The following SLC22A4 variants were observed in gnomAD, a reference collection of about 807,000 sequenced individuals.
The protein encoded by SLC22A4 is ET transporter.
A neutral mutation model predicts 56.6 loss-of-function variants in SLC22A4; 39 were observed. The observed-to-expected ratio is 0.69, with a 90% confidence interval of 0.53 to 0.90. The LOEUF (loss-of-function observed/expected upper bound fraction) is 0.90, where lower values mean the gene tolerates loss of function less well. Ranked by LOEUF, SLC22A4 falls within the 40% of genes least tolerant of loss-of-function variation. The probability of loss-of-function intolerance (pLI) is 0.00; values close to 1 mark genes in which losing one functional copy is unlikely to be tolerated. For synonymous variants in SLC22A4, 241 were observed against 281.4 expected (o/e 0.86, Z 1.44); for missense variants, 594 against 696.5 (o/e 0.85, Z 1.66).
chr5:132,295,421 C>T (rs1218526631), intron 1 of SLC22A4: 4 of 411,438 alleles, frequency 9.7e-6, no homozygotes, highest in Admixed American at 5.9e-5. Context: ...CAAATCTTGT[C>T]TGTTCCCTGG....
chr5:132,343,710 G>A (rs1751286353), intron 9 of SLC22A4, 50 bp from the exon 10 acceptor site: 1 of 1,133,206 alleles, frequency 8.8e-7, no homozygotes, highest in South Asian at 1.3e-5. Context: ...GCATTTTGAG[G>A]AGGAAAGTCT....
At chr5:132,338,573 G>A (rs1321850384) in intron 8 of SLC22A4, among the ~76,000 whole-genome samples, 5 of 152,264 alleles carry the variant, frequency 3.3e-5, no homozygotes, top group South Asian at 4.1e-4. Context: ...AGCTACAACC[G>A]TAAAAGACAG....
intron 3 of SLC22A4, chr5:132,320,826 CATGA>C (rs1478035409): frequency 1.3e-5 from 2 of 152,228 alleles, no homozygotes; most frequent in Non-Finnish European, 2.9e-5. Flanking sequence ...AAAAGGCAAG[CATGA>C]ATGACCTTTG....
intron 5 of SLC22A4, among the ~76,000 whole-genome samples, chr5:132,330,103 C>T (rs1484754400): frequency 2.0e-5 from 3 of 152,166 alleles, no homozygotes; most frequent in African/African-American, 7.2e-5. Flanking sequence ...TGTTCTGGGG[C>T]TCTACAATCC....
At chr5:132,329,367 T>C (rs1750789354) in intron 5 of SLC22A4, among the ~76,000 whole-genome samples, 1 of 152,004 alleles carries the variant, frequency 6.6e-6, no homozygotes, top group Non-Finnish European at 1.5e-5. Flanking sequence ...CGTAGGATCC[T>C]CTTTAGGAGG....
At chr5:132,319,759 A>G (rs1049195623) in intron 3 of SLC22A4, among the ~76,000 whole-genome samples, 6 of 152,084 alleles carry the variant, frequency 3.9e-5, no homozygotes, top group African/African-American at 1.4e-4. Context: ...TGCCTGGCTA[A>G]TTTTTGTATT....
intron 1 of SLC22A4, chr5:132,295,702 T>TACG: frequency 5.2e-6 from 1 of 193,038 alleles, no homozygotes; most frequent in Non-Finnish European, 1.1e-5. Context: ...GGAATGAGGA[T>TACG]GCACACACAC....
chr5:132,295,770 T>C (rs991622716), intron 1 of SLC22A4: 1 of 164,012 alleles, frequency 6.1e-6, no homozygotes, highest in African/African-American at 2.4e-5. Flanking sequence ...TACACCTTTC[T>C]TCTGAGGAGA....
chr5:132,327,590 C>T (rs537532356), intron 5 of SLC22A4, among the ~76,000 whole-genome samples, 187 bp downstream of exon 5: 2 of 152,254 alleles, frequency 1.3e-5, no homozygotes, highest in South Asian at 4.1e-4. Context: ...GAATTAAATG[C>T]AATAATATAT....
intron 1 of SLC22A4, among the ~76,000 whole-genome samples, chr5:132,305,439 C>T (rs1363181350): frequency 1.3e-5 from 2 of 152,042 alleles, no homozygotes; most frequent in South Asian, 2.1e-4. Flanking sequence ...AGAAGCTCAA[C>T]AAACTCCAAA....
At chr5:132,331,712 ACTAC>A (rs1442887660) in intron 5 of SLC22A4, 40 bp from the exon 6 acceptor site, 1 of 1,337,452 alleles carries the variant, frequency 7.5e-7, no homozygotes, top group Admixed American at 1.7e-5. Context: ...ATACTTCCTT[ACTAC>A]CTCTTAATCT....
chr5:132,341,269 T>C (rs1414378543), intron 9 of SLC22A4, among the ~76,000 whole-genome samples: 1 of 151,448 alleles, frequency 6.6e-6, no homozygotes. Flanking sequence ...AATACAAAAA[T>C]TAGCTGGGCA....
chr5:132,318,148 G>A (rs1405860650), intron 3 of SLC22A4, among the ~76,000 whole-genome samples: 1 of 152,240 alleles, frequency 6.6e-6, no homozygotes, highest in African/African-American at 2.4e-5. Flanking sequence ...GAAGCCCTGA[G>A]CAGGGGAACA....
chr5:132,326,164 C>A (rs773373152), intron 4 of SLC22A4, among the ~76,000 whole-genome samples: 1 of 152,222 alleles, frequency 6.6e-6, no homozygotes, highest in Non-Finnish European at 1.5e-5. Context: ...CCCTTGAATT[C>A]TTTCCTGGGC....
chr5:132,295,319 C>A, intron 1 of SLC22A4: 1 of 590,886 alleles, frequency 1.7e-6, no homozygotes, highest in Non-Finnish European at 3.3e-6. Flanking sequence ...GGAAGCGCAG[C>A]CCCAGGCTAC....
chr5:132,321,847 G>A (rs1201817350), intron 3 of SLC22A4, among the ~76,000 whole-genome samples: 1 of 152,116 alleles, frequency 6.6e-6, no homozygotes, highest in Non-Finnish European at 1.5e-5. Context: ...GGCAGAGGTT[G>A]CAATGAGCTG....
chr5:132,339,988 A>G (rs535953259), intron 8 of SLC22A4, among the ~76,000 whole-genome samples: 15 of 152,082 alleles, frequency 9.9e-5, no homozygotes, highest in Non-Finnish European at 1.9e-4. Flanking sequence ...AAATCCAGGC[A>G]CACAGTGCCT....
In SLC22A4 at chr5:132,304,998, T is replaced by TA. The variant is rs539030365; in HGVS notation, c.394-7162dup. Among the ~76,000 whole-genome samples the TA allele has an allele frequency of 2.6e-5, 4 of 152,202 alleles. No homozygotes were observed. The South Asian group carries it at 6.2e-4, about 24-fold the overall frequency. ...GATGGCATGTGCCTATAGTCCCAGT[T>TA]ACTCAGGAGGCTGAGGTAGGAGGAT... On this transcript the variant is annotated intron_variant, in intron 1 of 9. Transcript: ENST00000200652.
At chr5:132,316,325 A>T (rs1750356025) in intron 3 of SLC22A4, among the ~76,000 whole-genome samples, 1 of 152,190 alleles carries the variant, frequency 6.6e-6, no homozygotes, top group Admixed American at 6.5e-5. Flanking sequence ...TAAAGCAGAC[A>T]TGCCTGGAAG....
Sources: gnomAD v4.1 joint callset for allele counts (sites outside exome capture counted in the v4.1 genomes callset) on GRCh38, gnomAD v4.1.1 for gene constraint, MANE v1.5 for transcripts, NCBI Gene and HGNC (gene_info 2026-07-23, HGNC 2026-07-21) for gene names.